Variants in DMD observed in about 807,000 individuals in gnomAD.
DMD encodes the protein mutant dystrophin.
DMD carries 63 observed loss-of-function variants against 330.1 expected under a neutral mutation model. The observed-to-expected ratio is 0.19, with a 90% CI of 0.16 to 0.24. DMD has a LOEUF of 0.24. Among genes scored for constraint, DMD ranks in the 10% least tolerant of loss-of-function variants. The probability of loss-of-function intolerance (pLI) is 1.00; values close to 1 mark genes in which losing one functional copy is unlikely to be tolerated. For missense variants in DMD, 3,344 were observed against 2,684.1 expected, an observed-to-expected ratio of 1.25 and a Z score of -5.43; for synonymous variants, 1,223 against 959.8, an observed-to-expected ratio of 1.27 and a Z score of -5.07.
rs2051797931 is a variant in DMD at position 32,566,977 on chromosome X, C to T, written c.1813-1096G>A. Among the ~76,000 whole-genome samples the T allele has an allele frequency of 3.6e-5, 4 of 112,011 alleles. No individual in the cohort carries two copies. In the South Asian group the frequency reaches 1.5e-3, roughly 42 times the overall value. On this transcript the variant is annotated intron_variant, in intron 15 of 78. Transcript: ENST00000357033. ...AAACAAATGTAAGTTTATTTAAGAA[C>T]TAACATACCACAGAGCAAATTGTCA...
intron 61 of DMD, among the ~76,000 whole-genome samples, chrX:31,339,576 G>C (rs2057606720): frequency 9.0e-6 from 1 of 111,693 alleles, no homozygotes; most frequent in African/African-American, 3.3e-5. Context: ...GGCTTATTTT[G>C]ATGTTTTTAT....
chrX:33,153,496 A>G (rs2048369066), intron 1 of DMD, among the ~76,000 whole-genome samples: 1 of 112,896 alleles, frequency 8.9e-6, no homozygotes, highest in Non-Finnish European at 1.9e-5. Context: ...TACTACCTTA[A>G]TGTTACGCAA....
At chrX:32,930,888 T>A (rs56318325) in intron 2 of DMD, among the ~76,000 whole-genome samples, 2,287 of 109,557 alleles carry the variant, frequency 0.021, 72 homozygotes, top group African/African-American at 0.072. Flanking sequence ...TGTGAACTCA[T>A]CAAGTGCACT....
At chrX:31,366,499 T>TAAAAAA (rs1198673918) in intron 60 of DMD, among the ~76,000 whole-genome samples, 1 of 36,500 alleles carries the variant, frequency 2.7e-5, no homozygotes, top group African/African-American at 1.1e-4. Flanking sequence ...AAAAAAAACA[T>TAAAAAA]AAAAAAAAAA....
intron 29 of DMD, among the ~76,000 whole-genome samples, chrX:32,419,858 C>A (rs779017791): frequency 9.9e-6 from 1 of 100,699 alleles, no homozygotes; most frequent in Non-Finnish European, 2.0e-5. Context: ...ATCAGATAGC[C>A]ATCACTTTCA....
intron 11 of DMD, among the ~76,000 whole-genome samples, chrX:32,635,049 A>G (rs2059000779): frequency 8.9e-6 from 1 of 111,927 alleles, no homozygotes; most frequent in South Asian, 3.7e-4. Flanking sequence ...TTCCCTGTCT[A>G]GGGTTCATCT....
chrX:32,619,498 T>G, intron 11 of DMD, among the ~76,000 whole-genome samples: 1 of 112,198 alleles, frequency 8.9e-6, no homozygotes, highest in East Asian at 2.8e-4. Flanking sequence ...ATGCATATGT[T>G]AATTAGCTAG....
rs1316783627 is a variant in DMD, at chrX:32,521,810, A to T, written c.2169-3679T>A. ...TATGGACTGAATTTTGTGCCCCACA[A>T]AAGTTCGTATGTTGAAGCCTAATTC... On this transcript the variant is annotated intron_variant, in intron 17 of 78. Coordinates refer to ENST00000357033, the MANE Select transcript of DMD (RefSeq NM_004006.3). Among the ~76,000 whole-genome samples the T allele has an allele frequency of 4.5e-5, 5 of 112,130 alleles. No homozygotes were observed. In the East Asian group the frequency reaches 1.4e-3, roughly 32 times the overall value.
Position 31,173,560 on chromosome X carries a change from C to A in DMD, c.10307G>T (p.Arg3436Leu), listed in dbSNP as rs372442975. 2 of 1,208,426 alleles carry A rather than the reference C, an allele frequency of 1.7e-6. No homozygotes were observed. Among genetic ancestry groups the A allele is most frequent in the East Asian group, 3.0e-5 (1 of 33,765 alleles). The change falls in exon 72 of 79, where the codon CGC becomes CTC. Residue 3436 changes from arginine to leucine, a missense_variant. Arg to Leu is a moderately radical substitution (Grantham distance 102, BLOSUM62 -2). Transcript: ENST00000357033. ...PQLSHDDTHS[R>L]IEHYASRLAE... Reference sequence around the variant, plus strand: ...ATACCTGCTAGCATAATGTTCAATGCGTGAATGAGTATCATCGTGTGAAAG... The same window carrying A: ...ATACCTGCTAGCATAATGTTCAATGAGTGAATGAGTATCATCGTGTGAAAG...
At chrX:32,244,206 C>T (rs1176817569) in intron 43 of DMD, among the ~76,000 whole-genome samples, 1 of 101,664 alleles carries the variant, frequency 9.8e-6, no homozygotes, top group Admixed American at 1.1e-4. Context: ...TGAGAATATG[C>T]AGTGTTTGGT....
At chrX:33,065,089 G>A (rs765832175) in intron 1 of DMD, among the ~76,000 whole-genome samples, 8 of 111,118 alleles carry the variant, frequency 7.2e-5, no homozygotes, top group Non-Finnish European at 1.5e-4. Flanking sequence ...AAACTTGCTC[G>A]ATTAGGTTTG....
intron 52 of DMD, among the ~76,000 whole-genome samples, chrX:31,716,044 G>A (rs1435649524): frequency 6.2e-5 from 7 of 112,009 alleles, no homozygotes; most frequent in East Asian, 2.8e-4. Flanking sequence ...AGGAGTAACC[G>A]TTTGATGCTT....
chrX:32,460,878 C>A (rs1437922456), intron 25 of DMD, among the ~76,000 whole-genome samples: 2 of 111,724 alleles, frequency 1.8e-5, no homozygotes, highest in Non-Finnish European at 3.8e-5. Context: ...ATGTGTTAAC[C>A]TATTTACTTT....
intron 2 of DMD, among the ~76,000 whole-genome samples, chrX:32,862,551 G>A (rs962628362): frequency 9.0e-6 from 1 of 111,073 alleles, no homozygotes; most frequent in Admixed American, 9.6e-5. Context: ...AGTTAGGTCA[G>A]TACTCATTCA....
intron 2 of DMD, among the ~76,000 whole-genome samples, chrX:32,982,431 C>T (rs915902332): frequency 1.8e-5 from 2 of 111,580 alleles, no homozygotes; most frequent in Non-Finnish European, 3.8e-5. Context: ...AGCAAAAAAA[C>T]TACCAAGAAT....
chrX:33,197,063 G>T (rs1017603239), intron 1 of DMD, among the ~76,000 whole-genome samples: 2 of 111,205 alleles, frequency 1.8e-5, no homozygotes, highest in African/African-American at 6.5e-5. Flanking sequence ...AGTGATGCAC[G>T]TTCCCATATA....
At chrX:32,531,549 G>C (rs2047478345) in intron 17 of DMD, among the ~76,000 whole-genome samples, 2 of 111,390 alleles carry the variant, frequency 1.8e-5, no homozygotes, top group African/African-American at 6.5e-5. Flanking sequence ...CTTTCAAAAA[G>C]AAAACTTAAT....
intron 62 of DMD, among the ~76,000 whole-genome samples, chrX:31,298,643 T>G (rs777088862): frequency 1.8e-5 from 2 of 112,331 alleles, no homozygotes; most frequent in Non-Finnish European, 3.8e-5. Context: ...AACTCATGAA[T>G]ACACATAATA....
At chrX:32,813,842 C>A (rs1246317728) in intron 6 of DMD, among the ~76,000 whole-genome samples, 3 of 111,176 alleles carry the variant, frequency 2.7e-5, no homozygotes, top group South Asian at 3.7e-4. Flanking sequence ...TATACTCATA[C>A]CATTTAATGT....
Sources: gnomAD v4.1 joint callset for allele counts (sites outside exome capture counted in the v4.1 genomes callset) on GRCh38, gnomAD v4.1.1 for gene constraint, MANE v1.5 for transcripts, NCBI Gene and HGNC (gene_info 2026-07-23, HGNC 2026-07-21) for gene names.